Variants in LTBP1 observed in about 807,000 individuals in gnomAD.
The protein encoded by LTBP1 is latent-transforming growth factor beta-binding protein 1.
Under a neutral mutation model 207.6 loss-of-function variants are expected in LTBP1, and 129 were observed. The observed-to-expected ratio is 0.62, with a 90% CI of 0.54 to 0.72. The LOEUF is 0.72. Among genes scored for constraint, LTBP1 ranks in the 30% least tolerant of loss-of-function variants. The probability of loss-of-function intolerance (pLI) is 0.00; values close to 1 mark genes in which losing one functional copy is unlikely to be tolerated. For synonymous variants in LTBP1, 963 were observed against 833.7 expected (o/e 1.16, Z -2.67); for missense variants, 2,281 against 2,217.2 (o/e 1.03, Z -0.58).
chr2:33,240,331 A>G (rs930801341), intron 9 of LTBP1, among the ~76,000 whole-genome samples: 1 of 152,256 alleles, frequency 6.6e-6, no homozygotes, highest in Admixed American at 6.5e-5. Flanking sequence ...ATCACGTTCC[A>G]AACAGTTGTT....
chr2:33,359,682 A>G (rs1224965506), intron 26 of LTBP1, among the ~76,000 whole-genome samples: 1 of 152,216 alleles, frequency 6.6e-6, no homozygotes, highest in African/African-American at 2.4e-5. Context: ...AACAGTTAAT[A>G]CATTCAAACT....
chr2:33,145,524 C>G (rs1304507298), intron 5 of LTBP1, among the ~76,000 whole-genome samples: 1 of 152,224 alleles, frequency 6.6e-6, no homozygotes, highest in African/African-American at 2.4e-5. Context: ...CTAGAGCATT[C>G]TTAGCTAAAG....
intron 24 of LTBP1, among the ~76,000 whole-genome samples, chr2:33,330,559 A>G (rs1311489226): frequency 1.3e-5 from 2 of 151,284 alleles, no homozygotes; most frequent in Admixed American, 1.3e-4. Flanking sequence ...GTTCTTTATC[A>G]TGCTTGGTTT....
At chr2:33,388,846 T>C (rs1210724541) in intron 31 of LTBP1, among the ~76,000 whole-genome samples, 1 of 152,160 alleles carries the variant, frequency 6.6e-6, no homozygotes, top group Non-Finnish European at 1.5e-5. Context: ...CTTGATGGCT[T>C]TAGATAAAGC....
At chr2:33,087,084 C>CTTTTTTTTTTTTGTTTTT (rs2078805080) in intron 3 of LTBP1, among the ~76,000 whole-genome samples, 1 of 89,026 alleles carries the variant, frequency 1.1e-5, no homozygotes, top group Non-Finnish European at 2.1e-5. Context: ...CTCCTTTATG[C>CTTTTTTTTTTTTGTTTTT]TTTTTTTTTT....
chr2:32,961,038 A>C (rs1679022434), intron 2 of LTBP1, among the ~76,000 whole-genome samples: 1 of 152,240 alleles, frequency 6.6e-6, no homozygotes, highest in Non-Finnish European at 1.5e-5. Context: ...ATTACTAAGA[A>C]ATTAAAGAAA....
chr2:33,309,860 G>A (rs1191308669), intron 23 of LTBP1, among the ~76,000 whole-genome samples: 11 of 151,686 alleles, frequency 7.3e-5, no homozygotes, highest in Admixed American at 6.6e-4. Flanking sequence ...TATCTTTATA[G>A]CATCTTTTAT....
At chr2:33,109,521 T>C (rs1384824869) in intron 3 of LTBP1, among the ~76,000 whole-genome samples, 1 of 152,246 alleles carries the variant, frequency 6.6e-6, no homozygotes, top group African/African-American at 2.4e-5. Context: ...CAGAGGCTTA[T>C]TTTAAAATAT....
rs575393895 is a variant in LTBP1 at position 33,046,776 on chromosome 2, G to A, written c.863+25570G>A. ...TTTGGTTGGTAGGCTATTAATTACC[G>A]CCTCAATTTCAGAACTTGTTATTGG... On this transcript the variant is annotated intron_variant, in intron 3 of 33. Transcript: ENST00000404816. 3.9e-5 allele frequency among the ~76,000 whole-genome samples: 6 copies of A among 152,178 alleles called. No individual in the cohort carries two copies. The South Asian group carries it at 1.0e-3, about 26-fold the overall frequency.
At chr2:33,324,138 GC>G (rs769644309) in intron 24 of LTBP1, among the ~76,000 whole-genome samples, 1 of 152,074 alleles carries the variant, frequency 6.6e-6, no homozygotes, top group Non-Finnish European at 1.5e-5. Context: ...CTTAGTTACA[GC>G]AGTCCTTCCT....
intron 5 of LTBP1, among the ~76,000 whole-genome samples, chr2:33,182,735 CAGACATATAT>C (rs1293731445): frequency 1.2e-5 from 1 of 84,860 alleles, no homozygotes; most frequent in African/African-American, 5.1e-5. Context: ...CACACACACA[CAGACATATAT>C]ATGTATGTAT....
Position 32,947,039 on chromosome 2 carries a change from G to A in LTBP1, c.-286G>A. ...CGCTGCAACCCCCGGCCGGACGCGC[G>A]GACCCTCACCTTGCGCGGCCCGCTC... On this transcript the variant is annotated 5_prime_UTR_variant, in exon 1 of 34. Coordinates refer to ENST00000404816, the MANE Select transcript of LTBP1 (RefSeq NM_206943.4). The A allele has an allele frequency of 3.9e-6, 1 of 257,414 alleles. No individual in the cohort carries two copies. The highest frequency in any genetic ancestry group is 7.3e-6 in the Non-Finnish European group (1 of 136,388). The allele number at this position is 257,414 out of a possible 1,614,324, so 15.9% of individuals were successfully genotyped here. A position where few individuals can be genotyped will look rare whatever the true frequency, so the allele number is the denominator to read the frequency against.
rs181262262 is a variant in LTBP1 at position 33,067,201 on chromosome 2, G to A, written c.864-43381G>A. Among the ~76,000 whole-genome samples, 286 of 152,262 alleles carry A rather than the reference G, an allele frequency of 1.9e-3. 2 individuals are homozygous for A. The highest frequency in any genetic ancestry group is 1.5e-3 in the Non-Finnish European group (102 of 68,014). On this transcript the variant is annotated intron_variant, in intron 3 of 33. Transcript: ENST00000404816. ...CTAAGATTTATTTTTTTCTGAACAG[G>A]ATAAATTGACTTTAGCTACTATTGA...
intron 24 of LTBP1, among the ~76,000 whole-genome samples, chr2:33,322,377 C>G (rs1043442798): frequency 6.6e-6 from 1 of 152,248 alleles, no homozygotes; most frequent in East Asian, 1.9e-4. Flanking sequence ...CTTTTTAGAT[C>G]ATGGAAGGTT....
chr2:33,282,759 T>C (rs777446563), intron 19 of LTBP1, among the ~76,000 whole-genome samples: 1 of 152,146 alleles, frequency 6.6e-6, no homozygotes, highest in African/African-American at 2.4e-5. Flanking sequence ...TCCAGAACAC[T>C]GGGGATTGAG....
chr2:33,284,429 G>T (rs1231260888), intron 19 of LTBP1, among the ~76,000 whole-genome samples: 1 of 152,104 alleles, frequency 6.6e-6, no homozygotes, highest in Non-Finnish European at 1.5e-5. Context: ...CTTCTTTCAA[G>T]TCGTGGATTT....
intron 3 of LTBP1, among the ~76,000 whole-genome samples, chr2:33,074,341 T>G (rs1306478331): frequency 6.6e-6 from 1 of 152,168 alleles, no homozygotes; most frequent in African/African-American, 2.4e-5. Flanking sequence ...TCATGGCCTT[T>G]TTCACTTCTT....
chr2:33,182,835 A>G (rs1382269135), intron 5 of LTBP1, among the ~76,000 whole-genome samples: 1 of 151,178 alleles, frequency 6.6e-6, no homozygotes, highest in Non-Finnish European at 1.5e-5. Flanking sequence ...AAATCAATTT[A>G]AAAATGATGA....
At chr2:33,153,051 C>A (rs1002144546) in intron 5 of LTBP1, among the ~76,000 whole-genome samples, 1 of 152,156 alleles carries the variant, frequency 6.6e-6, no homozygotes, top group African/African-American at 2.4e-5. Flanking sequence ...AACATATCTA[C>A]GCAGAGAATG....
Sources: gnomAD v4.1 joint callset for allele counts (sites outside exome capture counted in the v4.1 genomes callset) on GRCh38, gnomAD v4.1.1 for gene constraint, MANE v1.5 for transcripts, NCBI Gene and HGNC (gene_info 2026-07-23, HGNC 2026-07-21) for gene names.